The following HEPACAM2 variants were observed in gnomAD, a reference collection of about 807,000 sequenced individuals.
HEPACAM2 encodes the protein HEPACAM family member 2.
In HEPACAM2, 49 loss-of-function variants were observed where a neutral mutation model predicts 49.6. The observed-to-expected ratio is 0.99, with a 90% CI of 0.78 to 1.25. The LOEUF (loss-of-function observed/expected upper bound fraction) is 1.25, where lower values mean the gene tolerates loss of function less well. Ranked by LOEUF, HEPACAM2 falls within the 50% of genes most tolerant of loss-of-function variation. The pLI, the probability that HEPACAM2 is intolerant of heterozygous loss-of-function variation, is 0.00. For missense variants in HEPACAM2, 525 were observed against 557.2 expected (o/e 0.94, Z 0.58); for synonymous variants, 197 against 202.9 (o/e 0.97, Z 0.25).
chr7:93,231,792 G>C, the HEPACAM2 span, among the ~76,000 whole-genome samples: 1 of 152,070 alleles, frequency 6.6e-6, no homozygotes, highest in African/African-American at 2.4e-5. Flanking sequence ...AAAATCCTTC[G>C]ATTTTAGAGC....
At chr7:93,226,064 G>A in intron 1 of HEPACAM2, 2 of 547,278 alleles carry the variant, frequency 3.7e-6, no homozygotes. Context: ...AAAGACTATT[G>A]AACCTATATG....
At chr7:93,190,400 G>T (rs900309973) in intron 9 of HEPACAM2, among the ~76,000 whole-genome samples, 1 of 151,890 alleles carries the variant, frequency 6.6e-6, no homozygotes, top group Non-Finnish European at 1.5e-5. Context: ...GAAAATGAGG[G>T]ATTCAAAGGA....
At chr7:93,196,199 A>C (rs761545926) in intron 7 of HEPACAM2, among the ~76,000 whole-genome samples, 8 of 152,128 alleles carry the variant, frequency 5.3e-5, no homozygotes, top group Non-Finnish European at 1.0e-4. Flanking sequence ...ACTTGCAGTT[A>C]CCAGAGACTC....
Position 93,212,492 on chromosome 7 carries a change from T to C in HEPACAM2, c.715+2909A>G, listed in dbSNP as rs891015443. 1.2e-4 allele frequency among the ~76,000 whole-genome samples: 19 copies of C among 152,012 alleles called. 1 individual carries two copies. The East Asian group carries it at 3.7e-3, about 29-fold the overall frequency. ...CTTAAAAAGTAACATAGTTTATCTG[T>C]TTATATAAGAAATGCACGGTTTTTT... On this transcript the variant is annotated intron_variant, in intron 3 of 9. Transcript: ENST00000394468.
At chr7:93,229,057 C>G (rs954108283), upstream of HEPACAM2, among the ~76,000 whole-genome samples, 2 of 152,140 alleles carry the variant, frequency 1.3e-5, no homozygotes, top group South Asian at 2.1e-4. Flanking sequence ...AGCTAGCACA[C>G]GCATGTTTTG....
At chr7:93,196,045 G>A (rs781568582) in intron 7 of HEPACAM2, 144 bp from the exon 8 acceptor site, 16 of 611,368 alleles carry the variant, frequency 2.6e-5, no homozygotes, top group South Asian at 1.0e-4. Context: ...TCCTATAGTC[G>A]TATTGCCATT....
chr7:93,191,742 C>A (rs1427175473), intron 9 of HEPACAM2, among the ~76,000 whole-genome samples: 1 of 152,026 alleles, frequency 6.6e-6, no homozygotes, highest in Non-Finnish European at 1.5e-5. Context: ...GGGTGAGAGG[C>A]CAGTCCTCAA....
chr7:93,192,562 A>G (rs1793582028), intron 8 of HEPACAM2, among the ~76,000 whole-genome samples, 199 bp from the exon 9 acceptor site: 1 of 152,082 alleles, frequency 6.6e-6, no homozygotes, highest in Non-Finnish European at 1.5e-5. Flanking sequence ...GCATAGCTAT[A>G]AGGTCAGAAG....
Position 93,215,462 on chromosome 7 carries a change from G to A in HEPACAM2, c.654C>T (p.Ser218=). The change falls in exon 3 of 10, where the codon AGC becomes AGT. Residue 218 remains serine (S), a synonymous_variant. Transcript: ENST00000394468. ...CACTGACAGGGTTCCTCACCAGGCA[G>A]CTGTAATTCCCAATGTCTTCCTTGG... ...PVTKEDIGNY[S]CLVRNPVSEM... The A allele has an allele frequency of 6.2e-7, 1 of 1,613,886 alleles. No homozygotes were observed. The highest frequency in any genetic ancestry group is 8.5e-7 in the Non-Finnish European group (1 of 1,179,836).
rs1274981100 is a variant in HEPACAM2, at chr7:93,189,103, T to A, written c.*164A>T. 1 of 541,408 alleles carries A rather than the reference T, an allele frequency of 1.8e-6. No homozygotes were observed. The highest frequency in any genetic ancestry group is 3.2e-6 in the Non-Finnish European group (1 of 308,436). 33.5% of individuals were successfully genotyped at this position (541,408 alleles called of 1,614,324 possible). ...TGTGTATATGCTGAAAAACCTGCAG[T>A]TCAATTTGCATAAATGCCTCTATTC... On this transcript the variant is annotated 3_prime_UTR_variant, in exon 10 of 10. Transcript: ENST00000394468.
chr7:93,202,031 C>CCAAAAAAAAAAAAAAAAACAAAAAAA (rs1793901798), intron 4 of HEPACAM2, among the ~76,000 whole-genome samples: 1 of 22,760 alleles, frequency 4.4e-5, no homozygotes, highest in African/African-American at 2.1e-4. Context: ...AAAAAAAAAA[C>CCAAAAAAAAAAAAAAAAACAAAAAAA]CAAAAAAAAA....
At chr7:93,226,580 T>A, upstream of HEPACAM2, 2 of 655,960 alleles carry the variant, frequency 3.0e-6, 1 homozygote, top group South Asian at 3.6e-5. Context: ...TGAATGTGTA[T>A]ACAAAGGACA....
At chr7:93,225,084 A>C (rs963627041) in intron 1 of HEPACAM2, among the ~76,000 whole-genome samples, 2 of 152,104 alleles carry the variant, frequency 1.3e-5, no homozygotes, top group African/African-American at 4.8e-5. Flanking sequence ...GTTTTATTTT[A>C]GTTGAATTCC....
chr7:93,192,157 G>A (rs1022666718), intron 9 of HEPACAM2, 97 bp downstream of exon 9: 2 of 762,082 alleles, frequency 2.6e-6, no homozygotes, highest in Non-Finnish European at 4.3e-6. Context: ...TTCTTGTTTT[G>A]GTATTTTTCT....
upstream of HEPACAM2, among the ~76,000 whole-genome samples, chr7:93,229,272 A>C (rs1005068186): frequency 3.9e-5 from 6 of 152,234 alleles, no homozygotes; most frequent in African/African-American, 1.4e-4. Context: ...TAAAGTCTAC[A>C]AAGCTGCCTC....
intron 4 of HEPACAM2, among the ~76,000 whole-genome samples, chr7:93,197,880 T>C (rs915624599): frequency 6.6e-6 from 1 of 152,082 alleles, no homozygotes; most frequent in African/African-American, 2.4e-5. Context: ...CAATATCTCA[T>C]GTCGTACTTC....
At chr7:93,217,111 G>T (rs1794324409) in intron 2 of HEPACAM2, among the ~76,000 whole-genome samples, 1 of 152,108 alleles carries the variant, frequency 6.6e-6, no homozygotes, top group African/African-American at 2.4e-5. Flanking sequence ...AAGAACAAAA[G>T]ACTGGGAAAG....
At chr7:93,231,204 G>A (rs368780324), upstream of HEPACAM2, among the ~76,000 whole-genome samples, 3 of 151,828 alleles carry the variant, frequency 2.0e-5, no homozygotes, top group South Asian at 2.1e-4. Context: ...TTTTTATTAC[G>A]TTGACACACT....
At chr7:93,217,876 CTGTGTGTGTGTGTGTGTGTGTG>C (rs138044928) in intron 2 of HEPACAM2, among the ~76,000 whole-genome samples, 1 of 140,186 alleles carries the variant, frequency 7.1e-6, no homozygotes, top group Middle Eastern at 3.7e-3. Context: ...GCATGTGTGT[CTGTGTGTGTGTGTGTGTGTGTG>C]TGTGTGTGTG....
Sources: allele counts gnomAD v4.1 joint callset (sites outside exome capture counted in the v4.1 genomes callset), GRCh38; gene constraint gnomAD v4.1.1; transcripts MANE v1.5; gene names NCBI Gene and HGNC (gene_info 2026-07-23, HGNC 2026-07-21).